SENP6: variants seen among roughly 807,000 people sequenced by gnomAD.
The protein encoded by SENP6 is SUMO specific peptidase 6.
In SENP6, 41 loss-of-function variants were observed where a neutral mutation model predicts 134.5. That is an observed-to-expected ratio of 0.30 (90% confidence interval 0.24 to 0.40). SENP6 has a LOEUF of 0.40. Ranked by LOEUF, SENP6 falls within the 10% of genes least tolerant of loss-of-function variation. SENP6 has a pLI of 1.00. For synonymous variants in SENP6, 395 were observed against 429.8 expected (o/e 0.92, Z 1.00); for missense variants, 1,248 against 1,312.5 (o/e 0.95, Z 0.76).
At chr6:75,697,328 G>T in intron 17 of SENP6, 97 bp from the exon 18 acceptor site, 1 of 812,482 alleles carries the variant, frequency 1.2e-6, no homozygotes, top group Non-Finnish European at 1.9e-6. Context: ...AACTGTTTGA[G>T]CTATTACATC....
At chr6:75,697,821 A>T (rs1171383521) in intron 18 of SENP6, 2 of 214,328 alleles carry the variant, frequency 9.3e-6, no homozygotes, top group African/African-American at 4.6e-5. Flanking sequence ...ATAGAAAAGT[A>T]TTATTTTATA....
At chr6:75,615,926 T>C (rs773029730) in intron 1 of SENP6, among the ~76,000 whole-genome samples, 2 of 152,228 alleles carry the variant, frequency 1.3e-5, no homozygotes, top group Non-Finnish European at 2.9e-5. Context: ...GTTCATTTGG[T>C]AACTTGTGCC....
intron 19 of SENP6, 25 bp from the exon 20 acceptor site, chr6:75,709,502 T>C (rs1371533467): frequency 1.3e-6 from 2 of 1,520,662 alleles, no homozygotes; most frequent in African/African-American, 2.7e-5. Context: ...CCTTTTTTAT[T>C]ATGTAATGTT....
rs143221748 is a variant in SENP6, at chr6:75,677,786, A to G, written c.1848+530A>G. ...GAAGCCACCTGAAGCAAAGGCCACA[A>G]TACTACTAAACACATAGTATAATGG... On this transcript the variant is annotated intron_variant, in intron 14 of 23. Transcript: ENST00000447266. 48 of 153,164 alleles carry G rather than the reference A, an allele frequency of 3.1e-4. No homozygotes were observed. In the East Asian group the frequency reaches 5.0e-3, roughly 16 times the overall value. 9.5% of individuals were successfully genotyped at this position (153,164 alleles called of 1,614,324 possible).
chr6:75,687,043 T>C (rs1462240734), intron 16 of SENP6, among the ~76,000 whole-genome samples: 1 of 152,240 alleles, frequency 6.6e-6, no homozygotes, highest in Non-Finnish European at 1.5e-5. Flanking sequence ...CAATCAAATG[T>C]AGATTTGGTC....
intron 10 of SENP6, among the ~76,000 whole-genome samples, chr6:75,667,701 T>TA (rs1240197373): frequency 6.6e-6 from 1 of 152,236 alleles, no homozygotes; most frequent in Non-Finnish European, 1.5e-5. Flanking sequence ...TAATGTGTAC[T>TA]ATTTGACCAA....
intron 10 of SENP6, 128 bp from the exon 11 acceptor site, chr6:75,670,423 CTG>C: frequency 1.8e-6 from 1 of 561,834 alleles, no homozygotes; most frequent in East Asian, 2.9e-5. Context: ...TTATCTAACA[CTG>C]TTGAAGGGAA....
At chr6:75,697,221 T>C (rs977216829) in intron 17 of SENP6, among the ~76,000 whole-genome samples, 2 of 152,208 alleles carry the variant, frequency 1.3e-5, no homozygotes, top group African/African-American at 2.4e-5. Context: ...GAGTAAAATA[T>C]CTTTCTCCAA....
Position 75,602,462 on chromosome 6 carries a change from C to T in SENP6, c.-63C>T, listed in dbSNP as rs1027658179. On this transcript the variant is annotated 5_prime_UTR_variant, in exon 1 of 24. Coordinates refer to ENST00000447266, the MANE Select transcript of SENP6 (RefSeq NM_015571.4). ...ACCCTCCTCCGGCGCGGCCCCTCAT[C>T]CCGGCGAGCACGGCGGCGGTGTGGG... 1.5e-5 allele frequency: 23 copies of T among 1,541,406 alleles called. No individual in the cohort carries two copies. Among genetic ancestry groups the T allele is most frequent in the Non-Finnish European group, 2.0e-5 (23 of 1,140,124 alleles).
intron 21 of SENP6, 135 bp downstream of exon 21, chr6:75,711,551 A>G (rs1775746367): frequency 1.9e-6 from 1 of 535,048 alleles, no homozygotes; most frequent in Non-Finnish European, 3.3e-6. Flanking sequence ...AGGAAACTTG[A>G]GGCATGCTAT....
chr6:75,714,919 A>C (rs956578308), intron 23 of SENP6, among the ~76,000 whole-genome samples: 1 of 152,198 alleles, frequency 6.6e-6, no homozygotes, highest in Non-Finnish European at 1.5e-5. Flanking sequence ...ACAGTACTCT[A>C]TACTTCTGTC....
chr6:75,713,313 C>G (rs1489681888), intron 21 of SENP6, among the ~76,000 whole-genome samples, 200 bp from the exon 22 acceptor site: 1 of 151,910 alleles, frequency 6.6e-6, no homozygotes, highest in African/African-American at 2.4e-5. Context: ...TTTAATATAT[C>G]CATAGATATT....
At chr6:75,660,060 T>C (rs1771654736) in intron 8 of SENP6, among the ~76,000 whole-genome samples, 1 of 152,206 alleles carries the variant, frequency 6.6e-6, no homozygotes, top group South Asian at 2.1e-4. Context: ...TTGCTGCGAA[T>C]CTTTAGTCTC....
In SENP6 at chr6:75,680,399, A is replaced by G. The variant is rs115771131; in HGVS notation, c.2075+1472A>G. ...TTGAGTTCTGACCAACAGAGATGGT[A>G]AGATGTTGTTTAATTGTGAGAATGA... On this transcript the variant is annotated intron_variant, in intron 16 of 23. Coordinates refer to ENST00000447266, the MANE Select transcript of SENP6 (RefSeq NM_015571.4). Among the ~76,000 whole-genome samples the G allele has an allele frequency of 8.5e-3, 1,294 of 152,312 alleles. 22 individuals are homozygous for G. Among genetic ancestry groups the G allele is most frequent in the African/African-American group, 0.03 (1,231 of 41,552 alleles).
intron 6 of SENP6, among the ~76,000 whole-genome samples, chr6:75,643,657 G>A (rs1168109528): frequency 6.6e-6 from 1 of 152,184 alleles, no homozygotes; most frequent in African/African-American, 2.4e-5. Flanking sequence ...GGGAGGCGAA[G>A]GTTGCAGTAA....
intron 16 of SENP6, among the ~76,000 whole-genome samples, chr6:75,688,540 C>T (rs1774009885): frequency 6.6e-6 from 1 of 151,900 alleles, no homozygotes; most frequent in African/African-American, 2.4e-5. Context: ...CGCCACCCCA[C>T]CCCCCCGTCC....
rs1212960598 is a variant in SENP6, at chr6:75,702,719, A to G, written c.2363A>G (p.His788Arg). Residue 788 changes from histidine (H) to arginine (R), a missense_variant, in exon 19 of 24, where the codon CAT becomes CGT. Transcript: ENST00000447266. ...AAGTATGAACCTAATCCTCATTACCATGAAAATGCTGTCATACAGAAATGT... is the reference window on the plus strand; with the variant it reads ...AAGTATGAACCTAATCCTCATTACCGTGAAAATGCTGTCATACAGAAATGT... ...KPKYEPNPHY[H>R]ENAVIQKCST... The G allele has an allele frequency of 1.9e-6, 3 of 1,613,792 alleles. No individual in the cohort carries two copies. Among genetic ancestry groups the G allele is most frequent in the Non-Finnish European group, 1.7e-6 (2 of 1,179,892 alleles).
chr6:75,647,689 G>C (rs763524550), intron 6 of SENP6, 42 bp from the exon 7 acceptor site: 2 of 1,378,210 alleles, frequency 1.5e-6, no homozygotes, highest in Admixed American at 1.7e-5. Context: ...TTTGAAAACT[G>C]TATTTCCTGT....
At chr6:75,624,011 T>C (rs1232580187) in intron 3 of SENP6, 51 bp downstream of exon 3, 1 of 1,411,496 alleles carries the variant, frequency 7.1e-7, no homozygotes, top group East Asian at 2.4e-5. Context: ...ACAAAAAAAT[T>C]GTTACCTCAA....
Sources: gnomAD v4.1 joint callset for allele counts (sites outside exome capture counted in the v4.1 genomes callset) on GRCh38, gnomAD v4.1.1 for gene constraint, MANE v1.5 for transcripts, NCBI Gene and HGNC (gene_info 2026-07-23, HGNC 2026-07-21) for gene names.